Variants in UBA5 observed in about 807,000 individuals in gnomAD.
UBA5 encodes ubiquitin-like modifier-activating enzyme 5.
Under a neutral mutation model 52.9 loss-of-function variants are expected in UBA5, and 28 were observed. The ratio of observed to expected loss-of-function variants is 0.53; its 90% confidence interval spans 0.39 to 0.73. The LOEUF (loss-of-function observed/expected upper bound fraction) is 0.73. UBA5 is among the 30% of genes least tolerant of loss of function. The pLI is 0.00. For synonymous variants in UBA5, 135 were observed against 162.1 expected (o/e 0.83, Z 1.27); for missense variants, 388 against 492.7 (o/e 0.79, Z 2.01).
chr3:132,674,145 A>G (rs751933522), intron 8 of UBA5, among the ~76,000 whole-genome samples: 3 of 152,166 alleles, frequency 2.0e-5, no homozygotes, highest in Non-Finnish European at 2.9e-5. Flanking sequence ...AAAAACAGGC[A>G]TTTAATTTTT....
At chr3:132,659,664 T>C, upstream of UBA5, 1 of 1,611,412 alleles carries the variant, frequency 6.2e-7, no homozygotes, top group Non-Finnish European at 8.5e-7. Flanking sequence ...AAGTGCTGGT[T>C]TAGGTAGGCC....
chr3:132,665,461 G>A (rs113119571), intron 1 of UBA5, among the ~76,000 whole-genome samples: 190 of 152,228 alleles, frequency 1.2e-3, no homozygotes, highest in African/African-American at 3.8e-3. Flanking sequence ...TTACTCTGAT[G>A]ATGGAGATCT....
At chr3:132,673,607 C>G (rs936588796) in intron 8 of UBA5, among the ~76,000 whole-genome samples, 1 of 151,944 alleles carries the variant, frequency 6.6e-6, no homozygotes, top group Non-Finnish European at 1.5e-5. Flanking sequence ...CTCAGCCTCC[C>G]AAAGTGTTGG....
At chr3:132,666,791 C>G (rs953621886) in intron 3 of UBA5, among the ~76,000 whole-genome samples, 1 of 151,926 alleles carries the variant, frequency 6.6e-6, no homozygotes, top group African/African-American at 2.4e-5. Context: ...GAAATAACAC[C>G]ACCAAAATAC....
chr3:132,660,044 G>A, upstream of UBA5: 1 of 389,804 alleles, frequency 2.6e-6, no homozygotes, highest in Non-Finnish European at 4.6e-6. This position sits in a 1 kb window ranked among gnomAD's most constrained non-coding sequence, Gnocchi z 4.1. Flanking sequence ...CATGGTCATC[G>A]TTGCGGGTAA....
chr3:132,666,812 T>C (rs1403866280), intron 3 of UBA5, among the ~76,000 whole-genome samples: 1 of 152,142 alleles, frequency 6.6e-6, no homozygotes, highest in Non-Finnish European at 1.5e-5. Flanking sequence ...TAAAAATATT[T>C]ATTGAAATTT....
chr3:132,658,826 T>C (rs1446069355), upstream of UBA5, among the ~76,000 whole-genome samples: 1 of 152,214 alleles, frequency 6.6e-6, no homozygotes. Context: ...CTTTCACCTA[T>C]ATTACGGTAT....
At position 132,676,091 on chromosome 3, in the gene UBA5, C is replaced by CTTATT. The variant is rs201545433; in HGVS notation, c.1131+171_1131+172insTTTTA. 1.2e-3 allele frequency among the ~76,000 whole-genome samples: 181 copies of CTTATT among 152,104 alleles called. No individual in the cohort carries two copies. The highest frequency in any genetic ancestry group is 3.7e-3 in the African/African-American group (155 of 41,468). On this transcript the variant is annotated intron_variant, in intron 11 of 11. Coordinates refer to ENST00000356232, the MANE Select transcript of UBA5 (RefSeq NM_024818.6). This position sits in a 1 kb window ranked among gnomAD's most constrained non-coding sequence, Gnocchi z 4.1. The stretch of plus-strand genomic sequence containing the variant: ...AGTGTTAATATGCAAATATTTATAG[C>CTTATT]TTAAACTTTTAAAACATAGAATAAA...
intron 4 of UBA5, 79 bp from the exon 5 acceptor site, chr3:132,670,119 G>T: frequency 2.8e-6 from 2 of 713,790 alleles, no homozygotes; most frequent in East Asian, 3.0e-5. Flanking sequence ...TGAACTCCTG[G>T]ACTCAAGTAA....
At chr3:132,673,554 C>T (rs934929242) in intron 8 of UBA5, among the ~76,000 whole-genome samples, 5 of 152,044 alleles carry the variant, frequency 3.3e-5, no homozygotes, top group Admixed American at 1.3e-4. Context: ...CACCATGTTG[C>T]TCAGGCTGTT....
rs1938799718 is a variant in UBA5, at chr3:132,675,537, ATTC to A, written c.949-65_949-63del. 3.9e-6 allele frequency: 6 copies of A among 1,529,388 alleles called. No individual in the cohort carries two copies. In the African/African-American group the frequency reaches 8.3e-5, roughly 21 times the overall value. 94.7% of individuals were successfully genotyped at this position (1,529,388 alleles called of 1,614,324 possible). On this transcript the variant is annotated intron_variant, in intron 9 of 11. Coordinates refer to ENST00000356232, the MANE Select transcript of UBA5 (RefSeq NM_024818.6). ...TTGGTAAGATAAAAAGCCTGTCTGAATTCTTGATTAATGCTTTAGAGAACTGAG... is the reference window on the plus strand; with the variant it reads ...TTGGTAAGATAAAAAGCCTGTCTGAATTGATTAATGCTTTAGAGAACTGAG...
Position 132,676,782 on chromosome 3 carries a change from T to C in UBA5, c.*256T>C. On this transcript the variant is annotated 3_prime_UTR_variant, in exon 12 of 12. Coordinates refer to ENST00000356232, the MANE Select transcript of UBA5 (RefSeq NM_024818.6). The surrounding 1 kb of genome is among the most constrained non-coding windows in gnomAD (Gnocchi z 4.1). ...AGGATATAAATCTTACTTGAAAACA[T>C]AGCTGTTGAAATGTTTTGGCCTTTT... is the stretch of plus-strand genomic sequence containing the variant. 1 of 526,200 alleles carries C rather than the reference T, an allele frequency of 1.9e-6. No individual in the cohort carries two copies. Among genetic ancestry groups the C allele is most frequent in the Non-Finnish European group, 3.7e-6 (1 of 272,906 alleles). 32.6% of individuals were successfully genotyped at this position (526,200 alleles called of 1,614,324 possible). A position where few individuals can be genotyped will look rare whatever the true frequency, so the allele number is the denominator to read the frequency against.
intron 8 of UBA5, among the ~76,000 whole-genome samples, chr3:132,672,823 G>T (rs1213392476): frequency 6.6e-6 from 1 of 152,098 alleles, no homozygotes; most frequent in African/African-American, 2.4e-5. Context: ...TAGCTAAAAA[G>T]AAGGAAAAAG....
intron 6 of UBA5, 58 bp from the exon 7 acceptor site, chr3:132,671,719 T>G: frequency 7.3e-7 from 1 of 1,362,488 alleles, no homozygotes; most frequent in South Asian, 1.3e-5. Context: ...GAATTTATTG[T>G]AAATTACTTC....
intron 1 of UBA5, among the ~76,000 whole-genome samples, chr3:132,654,971 T>C (rs576714916): frequency 2.6e-5 from 4 of 152,252 alleles, no homozygotes; most frequent in African/African-American, 9.6e-5. Flanking sequence ...CTGTGCAGCA[T>C]GTGACTGTAC....
In UBA5 at chr3:132,670,276, T is replaced by G; in HGVS notation, c.486T>G (p.Asp162Glu). Residue 162 changes from aspartate (D) to glutamate (E), a missense_variant, in exon 5 of 12, where the codon GAT becomes GAG. By Grantham distance (45) the Asp-to-Glu change is conservative. Coordinates refer to ENST00000356232, the MANE Select transcript of UBA5 (RefSeq NM_024818.6). The part of the protein sequence containing the change: ...TTVENFQHFM[D>E]RISNGGLEEG... ...TGGAAAACTTTCAACATTTCATGGA[T>G]AGAATAAGGTAAAATTTTAATTTAT... 7.5e-7 allele frequency: 1 copy of G among 1,331,916 alleles called. No individual in the cohort carries two copies. Among genetic ancestry groups the G allele is most frequent in the Non-Finnish European group, 1.1e-6 (1 of 945,850 alleles). 82.5% of individuals were successfully genotyped at this position (1,331,916 alleles called of 1,614,324 possible). A position where few individuals can be genotyped will look rare whatever the true frequency, so the allele number is the denominator to read the frequency against.
At chr3:132,656,391 A>G (rs1439112340), upstream of UBA5, among the ~76,000 whole-genome samples, 2 of 151,988 alleles carry the variant, frequency 1.3e-5, no homozygotes, top group Admixed American at 1.3e-4. Context: ...TCCCAACTTC[A>G]TTTTTACAAG....
chr3:132,660,190 C>T (rs1296360165), upstream of UBA5: 2 of 411,706 alleles, frequency 4.9e-6, no homozygotes, highest in African/African-American at 2.1e-5. This position sits in a 1 kb window ranked among gnomAD's most constrained non-coding sequence, Gnocchi z 4.1. Flanking sequence ...CTTAGATACC[C>T]GGTTAGCAAG....
intron 1 of UBA5, among the ~76,000 whole-genome samples, chr3:132,654,935 C>T (rs373421309): frequency 6.6e-6 from 1 of 152,222 alleles, no homozygotes; most frequent in Non-Finnish European, 1.5e-5. Flanking sequence ...CTCTGTGGTA[C>T]AGCCTGCTGC....
Sources: allele counts gnomAD v4.1 joint callset (sites outside exome capture counted in the v4.1 genomes callset), GRCh38; gene constraint gnomAD v4.1.1; non-coding constraint Gnocchi (gnomAD v3.1); transcripts MANE v1.5; gene names NCBI Gene and HGNC (gene_info 2026-07-23, HGNC 2026-07-21).